Variants in ANKRD44 observed in about 807,000 individuals in gnomAD.
ANKRD44 encodes ankyrin repeat domain 44, also known as serine/threonine-protein phosphatase 6 regulatory ankyrin repeat subunit B.
Under a neutral mutation model 116.0 loss-of-function variants are expected in ANKRD44, and 35 were observed. The ratio of observed to expected loss-of-function variants is 0.30; its 90% CI spans 0.23 to 0.40. The LOEUF is 0.40. ANKRD44 is among the 10% of genes least tolerant of loss of function. ANKRD44 has a pLI of 1.00. For synonymous variants in ANKRD44, 435 were observed against 461.8 expected (o/e 0.94, Z 0.74); for missense variants, 1,014 against 1,242.6 (o/e 0.82, Z 2.77).
At chr2:197,160,563 A>C (rs1018247947) in intron 2 of ANKRD44, among the ~76,000 whole-genome samples, 3 of 152,114 alleles carry the variant, frequency 2.0e-5, no homozygotes, top group African/African-American at 7.2e-5. Context: ...AGGTAACTGA[A>C]GCCTCTCTCA....
chr2:197,059,268 A>T (rs2077263383), intron 16 of ANKRD44, among the ~76,000 whole-genome samples: 1 of 152,228 alleles, frequency 6.6e-6, no homozygotes, highest in South Asian at 2.1e-4. Context: ...CAATAATTTT[A>T]AAAAATTTGC....
At chr2:197,204,961 G>C (rs1260642463) in intron 1 of ANKRD44, among the ~76,000 whole-genome samples, 1 of 152,234 alleles carries the variant, frequency 6.6e-6, no homozygotes, top group Non-Finnish European at 1.5e-5. Context: ...GTCTCTATTA[G>C]AGCAGCTGTC....
intron 15 of ANKRD44, among the ~76,000 whole-genome samples, 198 bp from the exon 16 acceptor site, chr2:197,079,012 C>T (rs1359971144): frequency 1.4e-5 from 2 of 145,572 alleles, no homozygotes; most frequent in African/African-American, 4.9e-5. Context: ...TTTTCTGTAG[C>T]TATCTTTATT....
At chr2:197,164,775 CAGA>C (rs2080065805) in intron 2 of ANKRD44, among the ~76,000 whole-genome samples, 1 of 152,160 alleles carries the variant, frequency 6.6e-6, no homozygotes, top group Non-Finnish European at 1.5e-5. Context: ...CAATGCCTCT[CAGA>C]AGTAGTTGTC....
chr2:197,076,628 T>G (rs999341008), intron 16 of ANKRD44, among the ~76,000 whole-genome samples: 6 of 152,172 alleles, frequency 3.9e-5, no homozygotes, highest in Non-Finnish European at 8.8e-5. Flanking sequence ...ACCAAATAGT[T>G]ATTTTTTCTT....
intron 21 of ANKRD44, among the ~76,000 whole-genome samples, chr2:196,970,084 A>G (rs557122286): frequency 2.6e-5 from 4 of 152,294 alleles, no homozygotes; most frequent in Admixed American, 2.0e-4. Context: ...ATTTTTTCAG[A>G]TAACTTTCCA....
chr2:197,207,601 C>T (rs1394260422), intron 1 of ANKRD44, among the ~76,000 whole-genome samples: 2 of 152,124 alleles, frequency 1.3e-5, no homozygotes, highest in African/African-American at 4.8e-5. Context: ...CACCACTGAT[C>T]TCAAATCACT....
intron 16 of ANKRD44, among the ~76,000 whole-genome samples, chr2:197,026,654 T>C (rs1333926342): frequency 6.6e-6 from 1 of 152,190 alleles, no homozygotes; most frequent in Non-Finnish European, 1.5e-5. Context: ...ATTTTGACTT[T>C]TATCCCAAGT....
At chr2:197,275,663 G>A (rs1398071048) in intron 1 of ANKRD44, among the ~76,000 whole-genome samples, 5 of 152,056 alleles carry the variant, frequency 3.3e-5, no homozygotes, top group East Asian at 1.9e-4. Flanking sequence ...GGTTCTCAGC[G>A]GGGTAGCACT....
Position 197,245,026 on chromosome 2 carries a change from G to A in ANKRD44, c.28-57920C>T, listed in dbSNP as rs146746368. Among the ~76,000 whole-genome samples, 295 of 152,264 alleles carry A rather than the reference G, an allele frequency of 1.9e-3. 1 individual carries two copies. The highest frequency in any genetic ancestry group is 0.01 in the Middle Eastern group (3 of 294). On this transcript the variant is annotated intron_variant, in intron 1 of 27. Coordinates refer to ENST00000282272, the MANE Select transcript of ANKRD44 (RefSeq NM_001195144.2). The stretch of plus-strand genomic sequence containing the variant: ...GTGGTAGCTCATGCCTGTAAATCCA[G>A]CACTTTGGGAGGCCAAGGTGGGTCC...
At chr2:197,033,035 ATAAGGTGG>A (rs145944121) in intron 16 of ANKRD44, among the ~76,000 whole-genome samples, 5,218 of 152,288 alleles carry the variant, frequency 0.034, 117 homozygotes, top group African/African-American at 0.051. Context: ...ACGGCTGGAT[ATAAGGTGG>A]TAGGCTTTAG....
At chr2:197,260,688 CA>C in intron 1 of ANKRD44, among the ~76,000 whole-genome samples, 1 of 152,174 alleles carries the variant, frequency 6.6e-6, no homozygotes, top group South Asian at 2.1e-4. Context: ...AACTAGTTTA[CA>C]GTCCCACCAA....
intron 17 of ANKRD44, among the ~76,000 whole-genome samples, chr2:197,022,905 T>C (rs2076524123): frequency 6.6e-6 from 1 of 152,232 alleles, no homozygotes; most frequent in Non-Finnish European, 1.5e-5. Flanking sequence ...TCATTTTCTC[T>C]GTAGCACCTG....
intron 1 of ANKRD44, among the ~76,000 whole-genome samples, chr2:197,189,816 T>C (rs1483153004): frequency 6.6e-6 from 1 of 152,210 alleles, no homozygotes; most frequent in Non-Finnish European, 1.5e-5. Flanking sequence ...CAGTAGTTAA[T>C]GCACCACTAC....
intron 25 of ANKRD44, 41 bp from the exon 26 acceptor site, chr2:196,995,502 C>T: frequency 1.4e-6 from 2 of 1,429,876 alleles, no homozygotes; most frequent in Non-Finnish European, 1.9e-6. Context: ...AAGATAGAGA[C>T]ACAGAAAAGT....
At chr2:196,996,555 A>C (rs1032028606) in intron 25 of ANKRD44, among the ~76,000 whole-genome samples, 1 of 152,184 alleles carries the variant, frequency 6.6e-6, no homozygotes, top group Non-Finnish European at 1.5e-5. Context: ...ATTCTGAGGC[A>C]CTGCTGTTGG....
At chr2:197,159,864 T>C (rs1446623741) in intron 2 of ANKRD44, among the ~76,000 whole-genome samples, 1 of 152,180 alleles carries the variant, frequency 6.6e-6, no homozygotes, top group East Asian at 1.9e-4. Flanking sequence ...GACCCTGGAT[T>C]TCCTGACTCC....
intron 16 of ANKRD44, 99 bp from the exon 17 acceptor site, chr2:197,025,366 A>G (rs1216304747): frequency 6.3e-6 from 5 of 798,060 alleles, no homozygotes; most frequent in Non-Finnish European, 6.3e-6. Flanking sequence ...GAAGTTATGC[A>G]ATTTATCAGT....
chr2:197,147,257 T>C (rs2079528720), intron 2 of ANKRD44, 152 bp from the exon 3 acceptor site: 2 of 625,182 alleles, frequency 3.2e-6, no homozygotes, highest in East Asian at 5.8e-5. Flanking sequence ...TTATGCATTT[T>C]CTCTCAACAT....
Sources: gnomAD v4.1 joint callset for allele counts (sites outside exome capture counted in the v4.1 genomes callset) on GRCh38, gnomAD v4.1.1 for gene constraint, MANE v1.5 for transcripts, NCBI Gene and HGNC (gene_info 2026-07-23, HGNC 2026-07-21) for gene names.